FGGY: variants seen among roughly 807,000 people sequenced by gnomAD.
FGGY encodes FGGY carbohydrate kinase domain containing, also known as FGGY carbohydrate kinase domain-containing protein.
FGGY carries 72 observed loss-of-function variants against 71.3 expected under a neutral mutation model. The observed-to-expected ratio is 1.01, with a 90% CI of 0.84 to 1.23. The LOEUF is 1.23. Among genes scored for constraint, FGGY ranks in the 50% most tolerant of loss-of-function variants. The probability of loss-of-function intolerance (pLI) is 0.00; values close to 1 mark genes in which losing one functional copy is unlikely to be tolerated. For synonymous variants in FGGY, 251 were observed against 250.3 expected (o/e 1.00, Z -0.02); for missense variants, 668 against 682.3 (o/e 0.98, Z 0.23).
At chr1:59,309,517 A>G (rs1283493183) in intron 1 of FGGY, among the ~76,000 whole-genome samples, 1 of 152,212 alleles carries the variant, frequency 6.6e-6, no homozygotes, top group Non-Finnish European at 1.5e-5. Flanking sequence ...TTTGGGTCAA[A>G]TAAAGATATT....
intron 14 of FGGY, among the ~76,000 whole-genome samples, chr1:59,744,723 T>G (rs947842737): frequency 6.6e-6 from 1 of 152,280 alleles, no homozygotes; most frequent in African/African-American, 2.4e-5. Context: ...CATTAATTCA[T>G]TAATCCATTT....
At chr1:59,729,025 C>T (rs12064934) in intron 14 of FGGY, among the ~76,000 whole-genome samples, 2 of 151,960 alleles carry the variant, frequency 1.3e-5, no homozygotes, top group Admixed American at 6.6e-5. Flanking sequence ...ATATGTTATA[C>T]GTTTTGAAAT....
intron 7 of FGGY, among the ~76,000 whole-genome samples, chr1:59,531,145 A>G (rs905238697): frequency 7.2e-5 from 11 of 152,342 alleles, no homozygotes; most frequent in Admixed American, 2.0e-4. Flanking sequence ...AGCAGAGTCT[A>G]TGTGTCAGGA....
chr1:59,325,068 C>T (rs1311955614), intron 2 of FGGY, among the ~76,000 whole-genome samples: 1 of 152,100 alleles, frequency 6.6e-6, no homozygotes, highest in African/African-American at 2.4e-5. Context: ...ATAAAGTAAG[C>T]TTAGGCGGGG....
In FGGY at chr1:59,512,398, C is replaced by A. The variant is rs778888699; in HGVS notation, c.758C>A (p.Ala253Glu). 2 of 1,613,680 alleles carry A rather than the reference C, an allele frequency of 1.2e-6. No homozygotes were observed. Among genetic ancestry groups the A allele is most frequent in the African/African-American group, 2.7e-5 (2 of 75,020 alleles). ...ARDLGLLPGI[A>E]VAASLIDAHA... ...GACCTTGGCCTTCTCCCTGGGATTG[C>A]GGTCGCAGCTTCACTCATTGATGCC... Residue 253 changes from alanine to glutamate, a missense_variant, in exon 7 of 16, where the codon GCG (alanine) becomes GAG (glutamate). Transcript: ENST00000303721.
chr1:59,411,766 C>A (rs1299993601), intron 5 of FGGY, among the ~76,000 whole-genome samples: 1 of 152,078 alleles, frequency 6.6e-6, no homozygotes, highest in Non-Finnish European at 1.5e-5. Context: ...GCAAATAGTC[C>A]TTTTAACCAA....
intron 5 of FGGY, among the ~76,000 whole-genome samples, chr1:59,380,345 GT>G (rs1490581415): frequency 1.3e-5 from 2 of 150,970 alleles, no homozygotes; most frequent in South Asian, 2.1e-4. Flanking sequence ...GGTATTTCTA[GT>G]TCTAGATCCC....
chr1:59,546,781 G>A (rs544021654), intron 7 of FGGY, among the ~76,000 whole-genome samples: 2 of 151,554 alleles, frequency 1.3e-5, no homozygotes, highest in African/African-American at 2.4e-5. Flanking sequence ...TCCTGACCTC[G>A]TGATCCACCC....
intron 6 of FGGY, among the ~76,000 whole-genome samples, chr1:59,503,635 A>G (rs1182504278): frequency 6.8e-6 from 1 of 146,490 alleles, no homozygotes; most frequent in Non-Finnish European, 1.5e-5. Context: ...TGTATTATAT[A>G]TATAATATAT....
At position 59,536,798 on chromosome 1, in the gene FGGY, C is replaced by T. The variant is rs548432095; in HGVS notation, c.800-17326C>T. On this transcript the variant is annotated intron_variant, in intron 7 of 15. Coordinates refer to ENST00000303721, the MANE Select transcript of FGGY (RefSeq NM_018291.5). ...CAGGCCTTTGACAAAATTCAACAAC[C>T]CTTCATGCTAAAAACTCTCAATAAA... is the stretch of plus-strand genomic sequence containing the variant. Among the ~76,000 whole-genome samples, 9 of 152,242 alleles carry T rather than the reference C, an allele frequency of 5.9e-5. No individual in the cohort carries two copies. In the South Asian group the frequency reaches 1.9e-3, roughly 32 times the overall value.
chr1:59,536,140 A>G (rs997748736), intron 7 of FGGY, among the ~76,000 whole-genome samples: 20 of 151,896 alleles, frequency 1.3e-4, no homozygotes, highest in Non-Finnish European at 1.6e-4. Flanking sequence ...AAAATGATAA[A>G]GGGGATATCA....
chr1:59,402,164 A>G (rs889388530), intron 5 of FGGY, among the ~76,000 whole-genome samples: 1 of 152,212 alleles, frequency 6.6e-6, no homozygotes, highest in African/African-American at 2.4e-5. Context: ...GATGGACAAA[A>G]GCATGAACAT....
intron 2 of FGGY, among the ~76,000 whole-genome samples, chr1:59,335,770 G>C (rs116587353): frequency 6.6e-6 from 1 of 152,050 alleles, no homozygotes; most frequent in South Asian, 2.1e-4. Flanking sequence ...CTAATGATTT[G>C]AGCACTTTTT....
intron 8 of FGGY, among the ~76,000 whole-genome samples, chr1:59,602,699 G>A (rs1353130893): frequency 6.6e-6 from 1 of 152,192 alleles, no homozygotes; most frequent in Non-Finnish European, 1.5e-5. Context: ...GCCCAAGCAA[G>A]TATGTCCTCC....
At chr1:59,489,958 G>C (rs2093775284) in intron 6 of FGGY, among the ~76,000 whole-genome samples, 1 of 152,154 alleles carries the variant, frequency 6.6e-6, no homozygotes, top group Non-Finnish European at 1.5e-5. Context: ...GCATTTCCCT[G>C]ATGATTAGTG....
At chr1:59,620,231 G>T (rs534273496) in intron 9 of FGGY, among the ~76,000 whole-genome samples, 1 of 152,020 alleles carries the variant, frequency 6.6e-6, no homozygotes, top group East Asian at 1.9e-4. Flanking sequence ...AAAAAATTAG[G>T]ATTAATTCTT....
chr1:59,637,347 A>G (rs1316822135), intron 10 of FGGY, among the ~76,000 whole-genome samples: 1 of 152,168 alleles, frequency 6.6e-6, no homozygotes, highest in Non-Finnish European at 1.5e-5. Context: ...AAAAGGAGAA[A>G]AAAAACCAGG....
intron 8 of FGGY, among the ~76,000 whole-genome samples, chr1:59,580,460 A>G (rs557486851): frequency 5.9e-5 from 9 of 152,108 alleles, no homozygotes; most frequent in Admixed American, 3.9e-4. Flanking sequence ...CCAGTTTCAT[A>G]CAACCTCCTC....
At chr1:59,619,640 G>A (rs1013266296) in intron 9 of FGGY, among the ~76,000 whole-genome samples, 1 of 152,070 alleles carries the variant, frequency 6.6e-6, no homozygotes. Context: ...CAAAATGACA[G>A]TTGCAGGGAA....
Sources: gnomAD v4.1 joint callset for allele counts (sites outside exome capture counted in the v4.1 genomes callset) on GRCh38, gnomAD v4.1.1 for gene constraint, MANE v1.5 for transcripts, NCBI Gene and HGNC (gene_info 2026-07-23, HGNC 2026-07-21) for gene names.